Variants in ATXN7L1 observed in about 807,000 individuals in gnomAD.
ATXN7L1 encodes ataxin 7 like 1, also known as ataxin-7-like protein 1.
A neutral mutation model predicts 70.8 loss-of-function variants in ATXN7L1; 15 were observed. The ratio of observed to expected loss-of-function variants is 0.21; its 90% CI spans 0.14 to 0.33. ATXN7L1 has a LOEUF of 0.33. Among genes scored for constraint, ATXN7L1 ranks in the 10% least tolerant of loss-of-function variants. The pLI is 1.00. For synonymous variants in ATXN7L1, 440 were observed against 445.1 expected (o/e 0.99, Z 0.14); for missense variants, 975 against 1,097.1 (o/e 0.89, Z 1.57).
At position 105,876,486 on chromosome 7, in the gene ATXN7L1, C is replaced by T; in HGVS notation, c.73G>A (p.Glu25Lys). Residue 25 changes from glutamate (E) to lysine (K), a missense_variant, in exon 1 of 12, where the codon GAA becomes AAA. This residue lies in a region of ATXN7L1 where 135 missense variants were observed against 132.6 expected (regional missense o/e 1.02). Transcript: ENST00000419735. ...TCCAGTGTCGCCATTGCTCTTCCTT[C>T]TTGTTGCTTTTTCCCTGTTCCTTCG... ...AAEGTGKKQQ[E>K]GRAMATLDRK... 2 of 1,613,222 alleles carry T rather than the reference C, an allele frequency of 1.2e-6. No individual in the cohort carries two copies. The highest frequency in any genetic ancestry group is 1.7e-6 in the Non-Finnish European group (2 of 1,179,382).
chr7:105,702,063 T>G (rs144816851), intron 3 of ATXN7L1, among the ~76,000 whole-genome samples: 145 of 152,332 alleles, frequency 9.5e-4, no homozygotes, highest in African/African-American at 3.3e-3. Flanking sequence ...TATATTCTGA[T>G]GCTAGTTTTC....
At chr7:105,860,319 A>C (rs1816430381) in intron 2 of ATXN7L1, among the ~76,000 whole-genome samples, 1 of 152,048 alleles carries the variant, frequency 6.6e-6, no homozygotes, top group South Asian at 2.1e-4. Flanking sequence ...ACTGAATATT[A>C]AATGAAAAAC....
intron 9 of ATXN7L1, chr7:105,617,725 G>A (rs1190598804): frequency 2.8e-6 from 1 of 355,338 alleles, no homozygotes; most frequent in African/African-American, 2.1e-5. Flanking sequence ...AAAGCCCACA[G>A]ATGCGAATAA....
chr7:105,710,439 A>C, intron 3 of ATXN7L1, among the ~76,000 whole-genome samples: 1 of 122,694 alleles, frequency 8.2e-6, no homozygotes, highest in African/African-American at 3.2e-5. Flanking sequence ...ATGGAGTCTC[A>C]CTCTGTCACT....
chr7:105,764,131 G>A (rs1800927217), intron 3 of ATXN7L1, among the ~76,000 whole-genome samples: 1 of 152,060 alleles, frequency 6.6e-6, no homozygotes, highest in Non-Finnish European at 1.5e-5. Flanking sequence ...TGAGATTACA[G>A]GCATGAGCCA....
At chr7:105,739,789 C>T (rs971413539) in intron 3 of ATXN7L1, among the ~76,000 whole-genome samples, 2 of 152,168 alleles carry the variant, frequency 1.3e-5, no homozygotes, top group East Asian at 1.9e-4. Context: ...CTTGTGTAGC[C>T]GCCTGGCCCT....
intron 3 of ATXN7L1, among the ~76,000 whole-genome samples, chr7:105,787,926 A>C (rs1004018051): frequency 6.6e-6 from 1 of 152,266 alleles, no homozygotes; most frequent in Admixed American, 6.5e-5. Flanking sequence ...AGAGAGGTTA[A>C]GTGACTTCTA....
rs899197925 is a variant in ATXN7L1, at chr7:105,819,722, C to T, written c.251-31014G>A. 4 of 831,242 alleles carry T rather than the reference C, an allele frequency of 4.8e-6. No individual in the cohort carries two copies. The Admixed American group carries it at 7.1e-5, about 15-fold the overall frequency. The allele number at this position is 831,242 out of a possible 1,614,324, so 51.5% of individuals were successfully genotyped here. A position where few individuals can be genotyped will look rare whatever the true frequency, so the allele number is the denominator to read the frequency against. ...GCCCCTACCACTTCCGGGCCTCTAG[C>T]CGCACCTTCCGGCTGACCTCGAGGC... On this transcript the variant is annotated intron_variant, in intron 2 of 11. Coordinates refer to ENST00000419735, the MANE Select transcript of ATXN7L1 (RefSeq NM_020725.2).
At chr7:105,743,897 C>G (rs1308004615) in intron 3 of ATXN7L1, among the ~76,000 whole-genome samples, 1 of 152,200 alleles carries the variant, frequency 6.6e-6, no homozygotes, top group Admixed American at 6.5e-5. Flanking sequence ...AAGTATCAAT[C>G]ACTGACATGA....
In ATXN7L1 at chr7:105,731,751, A is replaced by AAGAAAAGAAAAGAAAAG. The variant is rs1554443683; in HGVS notation, c.355+56836_355+56852dup. 8.8e-4 allele frequency among the ~76,000 whole-genome samples: 83 copies of AAGAAAAGAAAAGAAAAG among 94,628 alleles called. 2 individuals are homozygous for AAGAAAAGAAAAGAAAAG. The South Asian group carries it at 0.011, about 13-fold the overall frequency. The allele number at this position is 94,628 out of a possible 152,430, so 62.1% of individuals were successfully genotyped here. ...CACCTGGGCTTTCTTACTCCTTAAA[A>AAGAAAAGAAAAGAAAAG]AGAAAAGAAAAGAAAAGAAAAGAAA... On this transcript the variant is annotated intron_variant, in intron 3 of 11. Transcript: ENST00000419735.
intron 2 of ATXN7L1, among the ~76,000 whole-genome samples, chr7:105,790,543 T>TG (rs1253052902): frequency 6.6e-6 from 1 of 151,846 alleles, no homozygotes; most frequent in African/African-American, 2.4e-5. Context: ...ATCACACCAC[T>TG]GCACTCCAGC....
intron 3 of ATXN7L1, among the ~76,000 whole-genome samples, chr7:105,783,515 C>G (rs1467305169): frequency 6.6e-6 from 1 of 152,046 alleles, no homozygotes. Flanking sequence ...GGAGATTGAG[C>G]CAATCACCAA....
chr7:105,684,547 A>G (rs985690268), intron 3 of ATXN7L1, among the ~76,000 whole-genome samples: 1 of 152,138 alleles, frequency 6.6e-6, no homozygotes, highest in Admixed American at 6.6e-5. Context: ...GTTTTATTTC[A>G]CACATTTTGC....
At chr7:105,774,729 G>A (rs1392118363) in intron 3 of ATXN7L1, among the ~76,000 whole-genome samples, 1 of 152,140 alleles carries the variant, frequency 6.6e-6, no homozygotes, top group Non-Finnish European at 1.5e-5. Context: ...CTTTGGTTAA[G>A]AGGGTTGCCT....
Position 105,864,703 on chromosome 7 carries a change from G to A in ATXN7L1, c.250+11109C>T, listed in dbSNP as rs144393213. ...GGCTGGAGTGCAGTGGTGCAATCTC[G>A]GCTCACTGCAACCTCCGCCTCCCGA... On this transcript the variant is annotated intron_variant, in intron 2 of 11. Transcript: ENST00000419735. Among the ~76,000 whole-genome samples the A allele has an allele frequency of 7.2e-3, 1,084 of 150,818 alleles. 21 individuals are homozygous for A. Among genetic ancestry groups the A allele is most frequent in the African/African-American group, 0.025 (1,034 of 41,050 alleles).
intron 3 of ATXN7L1, among the ~76,000 whole-genome samples, chr7:105,744,376 G>A (rs1024486414): frequency 7.2e-5 from 11 of 152,106 alleles, no homozygotes; most frequent in African/African-American, 2.4e-4. Flanking sequence ...TCTTGCCCAA[G>A]AGCTTAGAGT....
intron 3 of ATXN7L1, among the ~76,000 whole-genome samples, chr7:105,727,777 T>TACACACAC (rs1274006496): frequency 1.7e-4 from 15 of 90,186 alleles, no homozygotes; most frequent in African/African-American, 7.3e-4. Flanking sequence ...TATATATATA[T>TACACACAC]ACACACACAT....
chr7:105,759,545 G>A (rs1218387050), intron 3 of ATXN7L1, among the ~76,000 whole-genome samples: 1 of 151,738 alleles, frequency 6.6e-6, no homozygotes, highest in Non-Finnish European at 1.5e-5. Flanking sequence ...AGGAAGTGGG[G>A]TGTGATCAGA....
intron 5 of ATXN7L1, among the ~76,000 whole-genome samples, chr7:105,642,540 T>A (rs906672345): frequency 6.6e-6 from 1 of 152,232 alleles, no homozygotes; most frequent in Non-Finnish European, 1.5e-5. Flanking sequence ...CAGAATCACC[T>A]GCTCACAAGA....
Sources: allele counts gnomAD v4.1 joint callset (sites outside exome capture counted in the v4.1 genomes callset), GRCh38; gene constraint gnomAD v4.1.1; regional missense constraint gnomAD v4.1.1; transcripts MANE v1.5; gene names NCBI Gene and HGNC (gene_info 2026-07-23, HGNC 2026-07-21).